NRG2: variants seen among roughly 807,000 people sequenced by gnomAD.
NRG2 encodes neuregulin 2.
In NRG2, 27 loss-of-function variants were observed where a neutral mutation model predicts 73.9. That is an observed-to-expected ratio of 0.37 (90% CI 0.27 to 0.50). The LOEUF (loss-of-function observed/expected upper bound fraction) is 0.50. NRG2 is among the 20% of genes least tolerant of loss of function. NRG2 has a pLI of 0.96. For synonymous variants in NRG2, 532 were observed against 541.0 expected, an observed-to-expected ratio of 0.98 and a Z score of 0.23; for missense variants, 1,126 against 1,210.1, an observed-to-expected ratio of 0.93 and a Z score of 1.03.
intron 1 of NRG2, among the ~76,000 whole-genome samples, chr5:139,935,753 A>T (rs916575712): frequency 6.6e-6 from 1 of 152,138 alleles, no homozygotes; most frequent in Non-Finnish European, 1.5e-5. Flanking sequence ...TGAGGCTGGC[A>T]GTTGGAGACC....
At position 139,847,953 on chromosome 5, in the gene NRG2, C is replaced by A. The variant is rs1341704408; in HGVS notation, c.2517G>T (p.Pro839=). The A allele has an allele frequency of 6.6e-7, 1 of 1,506,414 alleles. No individual in the cohort carries two copies. Among genetic ancestry groups the A allele is most frequent in the South Asian group, 1.2e-5 (1 of 80,404 alleles). 93.3% of individuals were successfully genotyped at this position (1,506,414 alleles called of 1,614,324 possible). A position where few individuals can be genotyped will look rare whatever the true frequency, so the allele number is the denominator to read the frequency against. Residue 839 remains proline, a synonymous_variant, in exon 10 of 10, where the codon CCG becomes CCT. Transcript: ENST00000361474. ...CCGAGTCCTGCTTGGCCCGCGGGGG[C>A]GGCCCGCGGCTGTGTCTGCTGCTGG... The part of the protein sequence containing the change: ...TRASSRHSRG[P]PPRAKQDSAP...
chr5:139,922,176 T>A, intron 1 of NRG2, among the ~76,000 whole-genome samples: 1 of 151,192 alleles, frequency 6.6e-6, no homozygotes, highest in African/African-American at 2.4e-5. Context: ...AAAGGACACA[T>A]CTAATAAATT....
chr5:139,955,512 T>G (rs566538489), intron 1 of NRG2, among the ~76,000 whole-genome samples: 4 of 152,212 alleles, frequency 2.6e-5, no homozygotes, highest in African/African-American at 9.6e-5. Context: ...GCTAGGACAC[T>G]GGGGCCCAGT....
chr5:140,042,970 TGC>T lies in NRG2; in HGVS notation c.98_99del (p.Ser33LysfsTer175). The T allele has an allele frequency of 6.5e-7, 1 of 1,544,576 alleles. No individual in the cohort carries two copies. The highest frequency in any genetic ancestry group is 8.7e-7 in the Non-Finnish European group (1 of 1,145,888). On this transcript the variant is annotated frameshift_variant, in exon 1 of 10. Transcript: ENST00000361474. LOFTEE classifies it high-confidence loss of function. The stretch of plus-strand genomic sequence containing the variant: ...TCGCTGCTGCTGCTGCTGCTGCTGC[TGC>T]TCCTCTCGCTGCTGCTGCTGCTGCT... ...SDSSSSSSER[S>X]SSSSSSSSES...
At position 139,847,931 on chromosome 5, in the gene NRG2, A is replaced by G. The variant is rs1164113115; in HGVS notation, c.2539T>C (p.Ser847Pro). The change falls in exon 10 of 10, where the codon TCG becomes CCG. Residue 847 changes from serine to proline, a missense_variant. This residue lies in a region of NRG2 where 402 missense variants were observed against 357.8 expected (regional missense o/e 1.12). Transcript: ENST00000361474. ...GCGGCGGGGCCCTAGAGTGGCGCCG[A>G]GTCCTGCTTGGCCCGCGGGGGCGGC... The part of the protein sequence containing the change: ...RGPPPRAKQD[S>P]APL The G allele has an allele frequency of 1.5e-5, 23 of 1,492,468 alleles. No homozygotes were observed. Among genetic ancestry groups the G allele is most frequent in the Non-Finnish European group, 1.9e-5 (21 of 1,127,028 alleles). 92.5% of individuals were successfully genotyped at this position (1,492,468 alleles called of 1,614,324 possible).
At chr5:139,989,169 T>C (rs1757390958) in intron 1 of NRG2, among the ~76,000 whole-genome samples, 1 of 151,966 alleles carries the variant, frequency 6.6e-6, no homozygotes, top group African/African-American at 2.4e-5. Flanking sequence ...CACATCTAAG[T>C]CATCAGAGCA....
rs905215175 is a variant in NRG2 at position 139,853,148 on chromosome 5, C to T, written c.1293-121G>A. 18 of 1,339,300 alleles carry T rather than the reference C, an allele frequency of 1.3e-5. No homozygotes were observed. Among genetic ancestry groups the T allele is most frequent in the Non-Finnish European group, 1.6e-5 (16 of 969,842 alleles). 83.0% of individuals were successfully genotyped at this position (1,339,300 alleles called of 1,614,324 possible). A position where few individuals can be genotyped will look rare whatever the true frequency, so the allele number is the denominator to read the frequency against. Reference sequence around the variant, plus strand: ...GCCCAGGGTGGCCATGGCTACTGCTCGTCCCTGTACTCAAGCTGCCCTACA... The same window carrying T: ...GCCCAGGGTGGCCATGGCTACTGCTTGTCCCTGTACTCAAGCTGCCCTACA... On this transcript the variant is annotated intron_variant, in intron 6 of 9. Transcript: ENST00000361474. The surrounding 1 kb of genome is among the most constrained non-coding windows in gnomAD (Gnocchi z 4.1).
chr5:139,963,844 C>T (rs1755266766), intron 1 of NRG2, among the ~76,000 whole-genome samples: 1 of 152,222 alleles, frequency 6.6e-6, no homozygotes, highest in African/African-American at 2.4e-5. Context: ...TGCAGAACCT[C>T]ATCTAGGTAA....
chr5:139,893,704 T>C (rs1764365087), intron 1 of NRG2, among the ~76,000 whole-genome samples: 1 of 140,590 alleles, frequency 7.1e-6, no homozygotes, highest in Non-Finnish European at 1.5e-5. Context: ...GGCTACTTCA[T>C]CCATTCTCTT....
chr5:139,982,028 T>A (rs1314838908), intron 1 of NRG2, among the ~76,000 whole-genome samples: 1 of 152,168 alleles, frequency 6.6e-6, no homozygotes, highest in African/African-American at 2.4e-5. Context: ...ACCATTTAGC[T>A]CTTAGAAGAG....
intron 1 of NRG2, among the ~76,000 whole-genome samples, chr5:139,895,295 C>A (rs137882761): frequency 4.6e-5 from 7 of 152,260 alleles, no homozygotes; most frequent in Non-Finnish European, 8.8e-5. Flanking sequence ...CGCAGGTCCA[C>A]GCCGCAGTGC....
intron 1 of NRG2, among the ~76,000 whole-genome samples, chr5:140,024,743 C>T (rs938359272): frequency 2.0e-5 from 3 of 152,156 alleles, no homozygotes; most frequent in African/African-American, 7.2e-5. Context: ...CAATCACAGA[C>T]TTATGGAAGC....
chr5:139,892,143 T>C (rs1007987287), intron 1 of NRG2, among the ~76,000 whole-genome samples: 1 of 152,074 alleles, frequency 6.6e-6, no homozygotes, highest in Non-Finnish European at 1.5e-5. Flanking sequence ...TTCCTTGGGG[T>C]CAGGGGGCAG....
At chr5:139,962,834 G>A (rs536150728) in intron 1 of NRG2, among the ~76,000 whole-genome samples, 2 of 152,304 alleles carry the variant, frequency 1.3e-5, no homozygotes, top group East Asian at 1.9e-4. Context: ...TCAAGAGGTT[G>A]CCTACTCTGC....
At chr5:139,943,879 GCAAA>G (rs372609011) in intron 1 of NRG2, among the ~76,000 whole-genome samples, 24 of 152,224 alleles carry the variant, frequency 1.6e-4, no homozygotes, top group East Asian at 9.6e-4. Flanking sequence ...CACTGGCAAT[GCAAA>G]CAAACAAACA....
intron 1 of NRG2, among the ~76,000 whole-genome samples, chr5:139,975,146 T>C (rs181551113): frequency 1.4e-4 from 21 of 152,300 alleles, no homozygotes; most frequent in African/African-American, 4.6e-4. Flanking sequence ...ACCTCTCCAT[T>C]CTTACATATC....
chr5:139,965,019 A>T (rs749922432), intron 1 of NRG2, among the ~76,000 whole-genome samples: 2 of 152,226 alleles, frequency 1.3e-5, no homozygotes, highest in Non-Finnish European at 2.9e-5. Flanking sequence ...GTCTTGATGC[A>T]CGGGCACTAG....
intron 9 of NRG2, 40 bp from the exon 10 acceptor site, chr5:139,848,737 G>C: frequency 1.5e-6 from 2 of 1,307,378 alleles, no homozygotes; most frequent in Non-Finnish European, 2.0e-6. Context: ...GGCCAGGCCG[G>C]GCCGGCGCGG....
At chr5:140,018,263 T>G (rs1336946692) in intron 1 of NRG2, among the ~76,000 whole-genome samples, 1 of 152,100 alleles carries the variant, frequency 6.6e-6, no homozygotes, top group Non-Finnish European at 1.5e-5. Flanking sequence ...TGTGATAGGA[T>G]CTCTGGGAGA....
Sources: allele counts gnomAD v4.1 joint callset (sites outside exome capture counted in the v4.1 genomes callset), GRCh38; gene constraint gnomAD v4.1.1; regional missense constraint gnomAD v4.1.1; non-coding constraint Gnocchi (gnomAD v3.1); transcripts MANE v1.5; gene names NCBI Gene and HGNC (gene_info 2026-07-23, HGNC 2026-07-21).